Variants in COMMD10 observed in about 807,000 individuals in gnomAD.
The protein encoded by COMMD10 is COMM domain containing 10.
COMMD10 carries 33 observed loss-of-function variants against 28.9 expected under a neutral mutation model. The observed-to-expected ratio is 1.14, with a 90% confidence interval of 0.87 to 1.53. COMMD10 has a LOEUF of 1.53. COMMD10 is among the 40% of genes most tolerant of loss of function. The pLI is 0.00. For missense variants in COMMD10, 310 were observed against 233.4 expected, an observed-to-expected ratio of 1.33 and a Z score of -2.14; for synonymous variants, 110 against 81.7, an observed-to-expected ratio of 1.35 and a Z score of -1.87.
At chr5:116,213,200 C>T (rs1465575657) in intron 5 of COMMD10, among the ~76,000 whole-genome samples, 3 of 151,668 alleles carry the variant, frequency 2.0e-5, no homozygotes, top group South Asian at 2.1e-4. Flanking sequence ...CAGAGACCTT[C>T]TGAATATATT....
intron 5 of COMMD10, among the ~76,000 whole-genome samples, chr5:116,211,898 A>T (rs1283487847): frequency 6.6e-6 from 1 of 152,166 alleles, no homozygotes; most frequent in Non-Finnish European, 1.5e-5. Context: ...GATAGCTAAC[A>T]GCACAGACTT....
rs72804811 is a variant in COMMD10, at chr5:116,088,945, A to C, written c.132+1358A>C. The stretch of plus-strand genomic sequence containing the variant: ...TCTTTATGTTTCCCATTCCTAATAC[A>C]TTGCTACTAGTATAGTTGGCACTCA... On this transcript the variant is annotated intron_variant, in intron 2 of 6. Transcript: ENST00000274458. 2.5e-3 allele frequency among the ~76,000 whole-genome samples: 384 copies of C among 152,290 alleles called. 2 individuals carry two copies. Among genetic ancestry groups the C allele is most frequent in the Non-Finnish European group, 3.8e-3 (261 of 68,024 alleles).
chr5:116,254,542 C>A lies in COMMD10; in HGVS notation c.511-36975C>A, dbSNP rs867472365. The stretch of plus-strand genomic sequence containing the variant: ...CAAAGAACATCTTTATTTCTGCCTT[C>A]ATTTCGTTATGTACCCAGTAGTCAT... On this transcript the variant is annotated intron_variant, in intron 5 of 6. Transcript: ENST00000274458. Among the ~76,000 whole-genome samples the A allele has an allele frequency of 1.7e-3, 250 of 151,128 alleles. 5 individuals are homozygous for A. The highest frequency in any genetic ancestry group is 5.9e-3 in the African/African-American group (239 of 40,794).
intron 5 of COMMD10, among the ~76,000 whole-genome samples, chr5:116,221,773 C>G (rs894238434): frequency 3.8e-4 from 58 of 152,130 alleles, no homozygotes; most frequent in African/African-American, 1.4e-3. Context: ...AGCCACCATT[C>G]TTTATTTAAA....
intron 5 of COMMD10, among the ~76,000 whole-genome samples, chr5:116,243,274 A>T (rs904396971): frequency 2.0e-5 from 3 of 152,294 alleles, no homozygotes; most frequent in Admixed American, 2.0e-4. Context: ...CCAAGATCAG[A>T]CTGACTCAAT....
At chr5:116,122,664 TG>T (rs1751481213) in intron 4 of COMMD10, among the ~76,000 whole-genome samples, 1 of 152,186 alleles carries the variant, frequency 6.6e-6, no homozygotes, top group Non-Finnish European at 1.5e-5. Flanking sequence ...CATTGAGCAG[TG>T]GTTTGTAGTT....
intron 4 of COMMD10, among the ~76,000 whole-genome samples, chr5:116,116,307 C>T (rs1461773575): frequency 6.6e-6 from 1 of 152,034 alleles, no homozygotes; most frequent in African/African-American, 2.4e-5. Flanking sequence ...CTTATGTTCT[C>T]TTGTTTTATT....
At chr5:116,283,700 ATGTTTCGT>A (rs1561408226) in intron 5 of COMMD10, among the ~76,000 whole-genome samples, 1 of 151,664 alleles carries the variant, frequency 6.6e-6, no homozygotes, top group East Asian at 1.9e-4. Context: ...AATCTGATCA[ATGTTTCGT>A]ATTAGTCTTA....
intron 5 of COMMD10, among the ~76,000 whole-genome samples, chr5:116,172,269 G>A (rs549669005): frequency 9.9e-5 from 15 of 152,224 alleles, no homozygotes; most frequent in African/African-American, 3.6e-4. Context: ...AAAAGCTTTG[G>A]ATTATTAAAG....
chr5:116,210,320 T>TTA (rs143226891), intron 5 of COMMD10, among the ~76,000 whole-genome samples: 6,752 of 150,280 alleles, frequency 0.045, 196 homozygotes, highest in Admixed American at 0.063. Context: ...ATGTATGTAT[T>TTA]TATATATATA....
chr5:116,204,185 G>T (rs540374574), intron 5 of COMMD10, among the ~76,000 whole-genome samples: 3 of 152,250 alleles, frequency 2.0e-5, no homozygotes, highest in South Asian at 2.1e-4. Flanking sequence ...AACAAGAAGA[G>T]CTATCTATCC....
chr5:116,286,556 T>C (rs1017216532), intron 5 of COMMD10, among the ~76,000 whole-genome samples: 11 of 151,742 alleles, frequency 7.2e-5, no homozygotes, highest in Non-Finnish European at 1.5e-4. Flanking sequence ...TGGCATGTTG[T>C]GTTTTCACTT....
At chr5:116,279,620 T>C (rs1751013767) in intron 5 of COMMD10, among the ~76,000 whole-genome samples, 1 of 151,878 alleles carries the variant, frequency 6.6e-6, no homozygotes, top group African/African-American at 2.4e-5. Context: ...TTATGTAGTA[T>C]ATTCACTGGA....
At chr5:116,276,420 A>G (rs911705057) in intron 5 of COMMD10, among the ~76,000 whole-genome samples, 1 of 151,520 alleles carries the variant, frequency 6.6e-6, no homozygotes, top group Non-Finnish European at 1.5e-5. Flanking sequence ...TATTTTTAGT[A>G]GAGACAGGGT....
chr5:116,099,524 T>C (rs932622155), intron 4 of COMMD10, among the ~76,000 whole-genome samples: 1 of 152,142 alleles, frequency 6.6e-6, no homozygotes, highest in African/African-American at 2.4e-5. Flanking sequence ...CTCCATACTG[T>C]TTTTCATAAA....
Position 116,116,787 on chromosome 5 carries a change from C to T in COMMD10, c.400-17281C>T, listed in dbSNP as rs199623701. Among the ~76,000 whole-genome samples the T allele has an allele frequency of 2.6e-4, 39 of 149,610 alleles. No homozygotes were observed. In the East Asian group the frequency reaches 6.3e-3, roughly 24 times the overall value. On this transcript the variant is annotated intron_variant, in intron 4 of 6. Transcript: ENST00000274458. ...ACTGTGGACTGCAGTGGCGCAATCT[C>T]GGCTCACTGCAAGCTCCGCTTCCCG...
intron 5 of COMMD10, among the ~76,000 whole-genome samples, chr5:116,184,164 AT>A (rs1489716946): frequency 6.6e-6 from 1 of 152,016 alleles, no homozygotes; most frequent in Non-Finnish European, 1.5e-5. Context: ...ATTTATTACC[AT>A]AATAACACGT....
chr5:116,110,952 T>C (rs1404781223), intron 4 of COMMD10, among the ~76,000 whole-genome samples: 4 of 152,258 alleles, frequency 2.6e-5, no homozygotes, highest in Admixed American at 6.5e-5. Context: ...ACCTCCAACA[T>C]TGGGTATTAC....
intron 5 of COMMD10, among the ~76,000 whole-genome samples, chr5:116,210,887 A>C (rs2112633428): frequency 6.6e-6 from 1 of 152,194 alleles, no homozygotes; most frequent in African/African-American, 2.4e-5. Context: ...TGTCTTTAAA[A>C]ATTTTTTGCT....
Sources: gnomAD v4.1 joint callset for allele counts (sites outside exome capture counted in the v4.1 genomes callset) on GRCh38, gnomAD v4.1.1 for gene constraint, MANE v1.5 for transcripts, NCBI Gene and HGNC (gene_info 2026-07-23, HGNC 2026-07-21) for gene names.